PTPRT: variants seen among roughly 807,000 people sequenced by gnomAD.
PTPRT encodes the protein protein tyrosine phosphatase receptor type T, also known as receptor-type tyrosine-protein phosphatase T.
In PTPRT, 56 loss-of-function variants were observed where a neutral mutation model predicts 176.8. That is an observed-to-expected ratio of 0.32 (90% CI 0.26 to 0.40). PTPRT has a LOEUF of 0.40. Ranked by LOEUF, PTPRT falls within the 10% of genes least tolerant of loss-of-function variation. The pLI, the probability that PTPRT is intolerant of heterozygous loss-of-function variation, is 1.00. For synonymous variants in PTPRT, 783 were observed against 739.0 expected, an observed-to-expected ratio of 1.06 and a Z score of -0.96; for missense variants, 1,540 against 1,908.2, an observed-to-expected ratio of 0.81 and a Z score of 3.60.
chr20:42,097,490 C>T (rs1985380108), intron 27 of PTPRT, among the ~76,000 whole-genome samples: 3 of 152,164 alleles, frequency 2.0e-5, no homozygotes, highest in Admixed American at 6.6e-5. Flanking sequence ...CTTCCCTCAC[C>T]CTCTGGGCAG....
intron 7 of PTPRT, among the ~76,000 whole-genome samples, chr20:42,581,024 C>T (rs1404290301): frequency 2.0e-5 from 3 of 152,096 alleles, no homozygotes; most frequent in African/African-American, 7.2e-5. Flanking sequence ...TCCTGACTTA[C>T]TCTCCTCCCA....
rs781481045 is a variant in PTPRT at position 42,102,317 on chromosome 20, A to G, written c.3541-20T>C. The stretch of plus-strand genomic sequence containing the variant: ...GAGGGTCTGTGGGGCACAAAGGTGA[A>G]TAGATAGGCCCTGCTCATTTGGCTG... On this transcript the variant is annotated intron_variant, in intron 25 of 30. Transcript: ENST00000373187. The G allele has an allele frequency of 1.2e-6, 2 of 1,610,030 alleles. No homozygotes were observed. The highest frequency in any genetic ancestry group is 4.5e-5 in the East Asian group (2 of 44,742).
intron 27 of PTPRT, 85 bp from the exon 28 acceptor site, chr20:42,085,938 C>CT (rs956337648): frequency 1.1e-4 from 147 of 1,391,662 alleles, no homozygotes; most frequent in Non-Finnish European, 1.4e-4. Flanking sequence ...CTTTTCTTTT[C>CT]TTTTTTTCTT....
intron 1 of PTPRT, among the ~76,000 whole-genome samples, chr20:43,184,726 T>C (rs2015347982): frequency 6.6e-6 from 1 of 151,888 alleles, no homozygotes; most frequent in African/African-American, 2.4e-5. Flanking sequence ...CATGCCTCAC[T>C]GACACCTCTT....
intron 7 of PTPRT, among the ~76,000 whole-genome samples, chr20:42,478,881 C>T (rs1249818023): frequency 6.6e-6 from 1 of 152,026 alleles, no homozygotes; most frequent in East Asian, 1.9e-4. Flanking sequence ...CATACAGCTG[C>T]TGAATAAATG....
chr20:42,396,770 C>G (rs1300299895), intron 9 of PTPRT, among the ~76,000 whole-genome samples: 1 of 152,158 alleles, frequency 6.6e-6, no homozygotes, highest in Non-Finnish European at 1.5e-5. Flanking sequence ...CCATGTTGGC[C>G]AGGCTGGAAC....
At chr20:42,761,626 A>C (rs2076917397) in intron 5 of PTPRT, among the ~76,000 whole-genome samples, 1 of 152,208 alleles carries the variant, frequency 6.6e-6, no homozygotes, top group Non-Finnish European at 1.5e-5. Context: ...ATGAATAAGG[A>C]AACTGAGGCA....
chr20:42,982,601 CAGA>C (rs1190633715), intron 1 of PTPRT, among the ~76,000 whole-genome samples: 1 of 152,172 alleles, frequency 6.6e-6, no homozygotes, highest in African/African-American at 2.4e-5. Flanking sequence ...TTCTAGAAGT[CAGA>C]AGGTGACCAG....
Position 42,078,422 on chromosome 20 carries a change from A to G in PTPRT, c.*2457T>C, listed in dbSNP as rs1003948041. On this transcript the variant is annotated 3_prime_UTR_variant, in exon 31 of 31. Coordinates refer to ENST00000373187, the MANE Select transcript of PTPRT (RefSeq NM_007050.6). ...GGGTTTCTCATAGAATCTGAGTCTC[A>G]TGATCCATTGCATATTTAGTTCCAG... The G allele has an allele frequency of 9.5e-6, 2 of 210,274 alleles. No individual in the cohort carries two copies. Among genetic ancestry groups the G allele is most frequent in the African/African-American group, 4.5e-5 (2 of 43,970 alleles). The allele number at this position is 210,274 out of a possible 1,614,324, so 13.0% of individuals were successfully genotyped here. A position where few individuals can be genotyped will look rare whatever the true frequency, so the allele number is the denominator to read the frequency against.
At chr20:42,414,492 T>C (rs934946406) in intron 9 of PTPRT, among the ~76,000 whole-genome samples, 1 of 152,186 alleles carries the variant, frequency 6.6e-6, no homozygotes, top group Non-Finnish European at 1.5e-5. Context: ...CAGGTCAGCC[T>C]TGGTGAATCA....
chr20:42,702,263 A>C (rs565450272), intron 6 of PTPRT, among the ~76,000 whole-genome samples: 1 of 151,952 alleles, frequency 6.6e-6, no homozygotes, highest in South Asian at 2.1e-4. Flanking sequence ...CTATTCTTTG[A>C]GCTGTTTGGG....
intron 1 of PTPRT, among the ~76,000 whole-genome samples, chr20:43,099,530 G>A (rs1322739215): frequency 6.6e-6 from 1 of 152,152 alleles, no homozygotes; most frequent in African/African-American, 2.4e-5. Context: ...AGGACAACTT[G>A]CTTCCCCCAG....
intron 14 of PTPRT, among the ~76,000 whole-genome samples, chr20:42,243,527 G>A (rs190544013): frequency 1.2e-4 from 18 of 152,298 alleles, no homozygotes; most frequent in Admixed American, 7.8e-4. Flanking sequence ...GAGTCAGAGT[G>A]TGATAGGAAC....
In PTPRT at chr20:42,255,801, T is replaced by C. The variant is rs139365936; in HGVS notation, c.2177-6979A>G. ...ATTGCAATTGATAAAACCAAGTAAA[T>C]CCCAATGGATGCATAACCCATGCTG... On this transcript the variant is annotated intron_variant, in intron 13 of 30. Coordinates refer to ENST00000373187, the MANE Select transcript of PTPRT (RefSeq NM_007050.6). 4.6e-5 allele frequency among the ~76,000 whole-genome samples: 7 copies of C among 152,196 alleles called. No individual in the cohort carries two copies. In the East Asian group the frequency reaches 1.2e-3, roughly 25 times the overall value.
At chr20:42,270,376 G>T in intron 13 of PTPRT, 2 of 729,966 alleles carry the variant, frequency 2.7e-6, no homozygotes, top group Non-Finnish European at 2.2e-6. Flanking sequence ...CCTCCCACCC[G>T]CCCAGGGCTC....
At chr20:42,573,164 G>A (rs956526992) in intron 7 of PTPRT, among the ~76,000 whole-genome samples, 2 of 152,132 alleles carry the variant, frequency 1.3e-5, no homozygotes, top group Non-Finnish European at 2.9e-5. Flanking sequence ...AGTGAGCAGG[G>A]TGCCCACAGG....
intron 1 of PTPRT, among the ~76,000 whole-genome samples, chr20:43,136,920 G>C (rs1298411006): frequency 6.6e-6 from 1 of 152,190 alleles, no homozygotes; most frequent in East Asian, 1.9e-4. Context: ...CCTTCCCCAG[G>C]GTCCCCAGCA....
chr20:42,976,238 TATC>T (rs1251463491), intron 1 of PTPRT, among the ~76,000 whole-genome samples: 1 of 152,072 alleles, frequency 6.6e-6, no homozygotes, highest in African/African-American at 2.4e-5. Flanking sequence ...GAGCCCTGCA[TATC>T]ATCATCATCA....
chr20:42,530,510 C>T (rs1424690381), intron 7 of PTPRT, among the ~76,000 whole-genome samples: 2 of 152,180 alleles, frequency 1.3e-5, no homozygotes, highest in South Asian at 2.1e-4. Context: ...CTGAAGACAC[C>T]GTGGAAGGCT....
Sources: allele counts gnomAD v4.1 joint callset (sites outside exome capture counted in the v4.1 genomes callset), GRCh38; gene constraint gnomAD v4.1.1; transcripts MANE v1.5; gene names NCBI Gene and HGNC (gene_info 2026-07-23, HGNC 2026-07-21).